CEP112: variants seen among roughly 807,000 people sequenced by gnomAD.
CEP112 encodes centrosomal protein 112.
In CEP112, 127 loss-of-function variants were observed where a neutral mutation model predicts 153.0. The ratio of observed to expected loss-of-function variants is 0.83; its 90% CI spans 0.72 to 0.96. CEP112 has a LOEUF of 0.96. Ranked by LOEUF, CEP112 falls within the 40% of genes least tolerant of loss-of-function variation. CEP112 has a pLI of 0.00. For missense variants in CEP112, 1,089 were observed against 1,101.2 expected (o/e 0.99, Z 0.16); for synonymous variants, 358 against 374.4 (o/e 0.96, Z 0.51).
intron 24 of CEP112, among the ~76,000 whole-genome samples, chr17:65,682,208 G>C (rs142122889): frequency 6.6e-6 from 1 of 150,946 alleles, no homozygotes; most frequent in Admixed American, 6.6e-5. Flanking sequence ...TGGTCAGGCT[G>C]GCCTTGAGCT....
intron 8 of CEP112, among the ~76,000 whole-genome samples, chr17:66,086,650 C>T (rs2067950084): frequency 6.6e-6 from 1 of 151,626 alleles, no homozygotes; most frequent in South Asian, 2.1e-4. Flanking sequence ...TCGTGATCTG[C>T]CCACCTAAAG....
At chr17:65,684,467 A>C (rs2047685056) in intron 24 of CEP112, among the ~76,000 whole-genome samples, 1 of 152,212 alleles carries the variant, frequency 6.6e-6, no homozygotes, top group Non-Finnish European at 1.5e-5. Context: ...TTAGAATCTG[A>C]CATTTTTTGG....
At chr17:66,134,655 T>C (rs944285498) in intron 4 of CEP112, among the ~76,000 whole-genome samples, 1 of 152,024 alleles carries the variant, frequency 6.6e-6, no homozygotes. Flanking sequence ...CTGGGCAACA[T>C]GCGACAAAAA....
At chr17:66,011,600 CTTTT>C (rs1332965207) in intron 16 of CEP112, among the ~76,000 whole-genome samples, 1 of 151,814 alleles carries the variant, frequency 6.6e-6, no homozygotes, top group Admixed American at 6.6e-5. Context: ...TATAATTTTG[CTTTT>C]TTTATTTGCT....
chr17:65,961,574 A>T lies in CEP112; in HGVS notation c.1761T>A (p.Arg587=), dbSNP rs369647944. The change falls in exon 18 of 27, where the codon CGT becomes CGA. Residue 587 remains arginine, a synonymous_variant. Coordinates refer to ENST00000535342, the MANE Select transcript of CEP112 (RefSeq NM_001199165.4). The stretch of plus-strand genomic sequence containing the variant: ...CCTGCAACCTCTGAACTTCAGTCAC[A>T]CGAGTTAGCTGCTCCTCTTTTTCCC... ...ALKEKEEQLT[R]VTEVQRLQAQ... 11 of 1,612,546 alleles carry T rather than the reference A, an allele frequency of 6.8e-6. No homozygotes were observed. Among genetic ancestry groups the T allele is most frequent in the African/African-American group, 1.3e-5 (1 of 74,910 alleles).
chr17:66,180,284 T>G (rs1216158184), intron 2 of CEP112, among the ~76,000 whole-genome samples: 5 of 151,964 alleles, frequency 3.3e-5, no homozygotes, highest in Non-Finnish European at 7.4e-5. Flanking sequence ...TTTAAATGTT[T>G]AGTAAAATTC....
chr17:66,111,506 G>C (rs543039867), intron 6 of CEP112, among the ~76,000 whole-genome samples: 1 of 152,270 alleles, frequency 6.6e-6, no homozygotes, highest in South Asian at 2.1e-4. Context: ...TATACCCACG[G>C]AATACTATGC....
chr17:65,886,186 TA>T (rs769908822), intron 20 of CEP112, among the ~76,000 whole-genome samples: 1 of 152,148 alleles, frequency 6.6e-6, no homozygotes, highest in Non-Finnish European at 1.5e-5. Flanking sequence ...ACCATGTTCC[TA>T]ACTTGAAAGA....
chr17:66,038,426 T>C (rs913596430), intron 12 of CEP112, among the ~76,000 whole-genome samples: 3 of 152,222 alleles, frequency 2.0e-5, no homozygotes, highest in Non-Finnish European at 4.4e-5. Context: ...TACATAAATT[T>C]TGAACCTATA....
chr17:65,684,842 T>C (rs2047703348), intron 24 of CEP112, among the ~76,000 whole-genome samples: 1 of 152,180 alleles, frequency 6.6e-6, no homozygotes, highest in Admixed American at 6.5e-5. Flanking sequence ...ATGACTCAGT[T>C]TCTTTGCACA....
At chr17:65,814,511 G>A (rs144433620) in intron 21 of CEP112, among the ~76,000 whole-genome samples, 5 of 152,166 alleles carry the variant, frequency 3.3e-5, no homozygotes, top group Non-Finnish European at 7.4e-5. Flanking sequence ...GTAGTGAGGA[G>A]ACAATAAACC....
At chr17:66,036,768 G>T (rs7224484) in intron 12 of CEP112, among the ~76,000 whole-genome samples, 62,516 of 152,026 alleles carry the variant, frequency 0.41, 14,323 homozygotes, top group East Asian at 0.87. Flanking sequence ...CCAGGACTTT[G>T]ATATTCTGCT....
At chr17:66,055,667 G>A (rs974324992) in intron 11 of CEP112, among the ~76,000 whole-genome samples, 1 of 152,170 alleles carries the variant, frequency 6.6e-6, no homozygotes, top group African/African-American at 2.4e-5. Flanking sequence ...TCAAAACTTA[G>A]TGGTTTCTCA....
chr17:65,766,713 A>AC (rs2053001543), intron 21 of CEP112, among the ~76,000 whole-genome samples: 1 of 151,872 alleles, frequency 6.6e-6, no homozygotes, highest in South Asian at 2.1e-4. Context: ...ATGGTAAAAA[A>AC]AAAAAAAGAG....
chr17:66,133,499 T>A (rs1189428553), intron 4 of CEP112, among the ~76,000 whole-genome samples: 1 of 152,192 alleles, frequency 6.6e-6, no homozygotes, highest in Non-Finnish European at 1.5e-5. Context: ...AAATGTGAAA[T>A]GCAGAGTAAG....
intron 20 of CEP112, among the ~76,000 whole-genome samples, chr17:65,875,744 T>C (rs2058805669): frequency 6.6e-6 from 1 of 152,194 alleles, no homozygotes; most frequent in African/African-American, 2.4e-5. Flanking sequence ...TCATTTGGCC[T>C]ATTCATTCTC....
intron 20 of CEP112, among the ~76,000 whole-genome samples, chr17:65,860,014 C>CA (rs1186022956): frequency 0.04 from 1,995 of 49,798 alleles, 62 homozygotes; most frequent in African/African-American, 0.11. Flanking sequence ...GACTCCATCT[C>CA]AAAAAAAAAA....
intron 24 of CEP112, among the ~76,000 whole-genome samples, chr17:65,641,768 C>T (rs1412444230): frequency 6.6e-6 from 1 of 152,084 alleles, no homozygotes; most frequent in Non-Finnish European, 1.5e-5. Flanking sequence ...AAAATCCCTA[C>T]TCCTCCAAAC....
chr17:65,901,687 G>A (rs1402529220), intron 20 of CEP112, among the ~76,000 whole-genome samples: 1 of 151,996 alleles, frequency 6.6e-6, no homozygotes, highest in African/African-American at 2.4e-5. Flanking sequence ...CCATCTGAGT[G>A]ATCTAATCAA....
Sources: gnomAD v4.1 joint callset for allele counts (sites outside exome capture counted in the v4.1 genomes callset) on GRCh38, gnomAD v4.1.1 for gene constraint, MANE v1.5 for transcripts, NCBI Gene and HGNC (gene_info 2026-07-23, HGNC 2026-07-21) for gene names.